Variants in CENPP observed in about 807,000 individuals in gnomAD.
CENPP encodes centromere protein P.
Under a neutral mutation model 35.6 loss-of-function variants are expected in CENPP, and 24 were observed. The ratio of observed to expected loss-of-function variants is 0.67; its 90% CI spans 0.49 to 0.95. The LOEUF is 0.95. Ranked by LOEUF, CENPP falls within the 40% of genes least tolerant of loss-of-function variation. CENPP has a pLI of 0.00. For missense variants in CENPP, 332 were observed against 345.3 expected (o/e 0.96, Z 0.31); for synonymous variants, 120 against 125.5 (o/e 0.96, Z 0.29).
chr9:92,431,717 G>GGC (rs1844113857), intron 5 of CENPP, among the ~76,000 whole-genome samples: 1 of 152,054 alleles, frequency 6.6e-6, no homozygotes, highest in East Asian at 1.9e-4. Context: ...TGGGATTACA[G>GGC]GCGCCTGCCA....
intron 5 of CENPP, among the ~76,000 whole-genome samples, chr9:92,413,377 A>G (rs1051352437): frequency 8.5e-5 from 13 of 152,052 alleles, no homozygotes; most frequent in African/African-American, 2.2e-4. Context: ...GAAGGCTCCA[A>G]TTTTTCCACA....
intron 5 of CENPP, among the ~76,000 whole-genome samples, chr9:92,497,157 T>C (rs1404428747): frequency 6.6e-6 from 1 of 152,144 alleles, no homozygotes; most frequent in Non-Finnish European, 1.5e-5. Flanking sequence ...AAAATGACAT[T>C]TATACAAACT....
At chr9:92,611,558 G>A (rs1851250995) in intron 6 of CENPP, among the ~76,000 whole-genome samples, 165 bp downstream of exon 6, 1 of 152,184 alleles carries the variant, frequency 6.6e-6, no homozygotes, top group East Asian at 1.9e-4. Flanking sequence ...GTATGGGGGT[G>A]CGGGGAGCTG....
intron 5 of CENPP, among the ~76,000 whole-genome samples, chr9:92,430,473 C>T (rs758749860): frequency 4.0e-5 from 6 of 151,088 alleles, no homozygotes; most frequent in African/African-American, 7.3e-5. Context: ...TCTTCTGCTT[C>T]AGTCGCCCGA....
chr9:92,363,210 A>G (rs1841803485), intron 4 of CENPP, among the ~76,000 whole-genome samples: 1 of 137,150 alleles, frequency 7.3e-6, no homozygotes, highest in Non-Finnish European at 1.5e-5. Context: ...AAACAGTACT[A>G]GGAAATATGT....
chr9:92,535,668 T>C (rs944654529), intron 5 of CENPP, among the ~76,000 whole-genome samples: 11 of 152,158 alleles, frequency 7.2e-5, no homozygotes, highest in African/African-American at 2.2e-4. Context: ...AAATTAATAA[T>C]ATTTTCAAAC....
intron 5 of CENPP, among the ~76,000 whole-genome samples, chr9:92,447,634 C>T (rs565324978): frequency 6.6e-6 from 1 of 152,244 alleles, no homozygotes; most frequent in African/African-American, 2.4e-5. Flanking sequence ...ATTTGGGGTC[C>T]TGAGATTTTG....
At chr9:92,488,042 G>T (rs1423594525) in intron 5 of CENPP, among the ~76,000 whole-genome samples, 1 of 152,158 alleles carries the variant, frequency 6.6e-6, no homozygotes, top group Non-Finnish European at 1.5e-5. Context: ...CTGAGCACAT[G>T]TATCTAGCTT....
chr9:92,352,954 C>T (rs1263104579), intron 4 of CENPP, among the ~76,000 whole-genome samples: 1 of 151,876 alleles, frequency 6.6e-6, no homozygotes, highest in Non-Finnish European at 1.5e-5. Context: ...AACTTGAACC[C>T]ATACACATCT....
intron 5 of CENPP, among the ~76,000 whole-genome samples, chr9:92,597,258 A>C (rs939676509): frequency 7.2e-5 from 11 of 152,150 alleles, no homozygotes; most frequent in African/African-American, 2.7e-4. Flanking sequence ...GGATTGAATG[A>C]GCTATAGTGC....
rs558811849 is a variant in CENPP, at chr9:92,460,424, C to A, written c.564+80565C>A. 8.6e-5 allele frequency: 97 copies of A among 1,125,290 alleles called. No homozygotes were observed. In the South Asian group the frequency reaches 1.2e-3, roughly 14 times the overall value. 69.7% of individuals were successfully genotyped at this position (1,125,290 alleles called of 1,614,324 possible). The stretch of plus-strand genomic sequence containing the variant: ...AGTGATCTCTACCAGGGTCCCTGTG[C>A]ACATTCTCCAGGAGGTATCATTCTA... On this transcript the variant is annotated intron_variant, in intron 5 of 7. Coordinates refer to ENST00000375587, the MANE Select transcript of CENPP (RefSeq NM_001012267.3).
At chr9:92,490,556 A>G (rs1243723589) in intron 5 of CENPP, among the ~76,000 whole-genome samples, 2 of 152,216 alleles carry the variant, frequency 1.3e-5, no homozygotes, top group Non-Finnish European at 2.9e-5. Context: ...AAGAGGTGGA[A>G]TCAATATCAT....
upstream of CENPP, chr9:92,325,919 G>A (rs1434234665): frequency 5.6e-6 from 7 of 1,250,302 alleles, no homozygotes; most frequent in African/African-American, 1.1e-4. Context: ...GGGAGCGCGC[G>A]CGAGGCTTGA....
rs1851375246 is a variant in CENPP at position 92,614,645 on chromosome 9, A to C, written c.*1496A>C. 6.5e-6 allele frequency: 1 copy of C among 152,684 alleles called. No homozygotes were observed. The highest frequency in any genetic ancestry group is 1.9e-4 in the East Asian group (1 of 5,196). The allele number at this position is 152,684 out of a possible 1,614,324, so 9.5% of individuals were successfully genotyped here. A position where few individuals can be genotyped will look rare whatever the true frequency, so the allele number is the denominator to read the frequency against. ...CAGCAAAATAGTTTCCTTATTTCTC[A>C]TGTATCATTTTCATATAATTCCATG... On this transcript the variant is annotated 3_prime_UTR_variant, in exon 8 of 8. Transcript: ENST00000375587.
At chr9:92,498,475 C>T (rs763070875) in intron 5 of CENPP, among the ~76,000 whole-genome samples, 76 of 151,884 alleles carry the variant, frequency 5.0e-4, no homozygotes, top group Middle Eastern at 3.4e-3. Flanking sequence ...TAAAAAAAGA[C>T]AATCATAGAA....
At chr9:92,344,693 G>A (rs1000911995) in intron 3 of CENPP, among the ~76,000 whole-genome samples, 48 of 151,644 alleles carry the variant, frequency 3.2e-4, no homozygotes, top group Non-Finnish European at 5.2e-4. Flanking sequence ...GATTACAGGC[G>A]CCTGCCACGA....
intron 5 of CENPP, chr9:92,500,598 G>T: frequency 1.1e-6 from 1 of 889,296 alleles, no homozygotes; most frequent in Non-Finnish European, 1.7e-6. Flanking sequence ...TGCCAATCTT[G>T]TTTAATCCAA....
intron 5 of CENPP, among the ~76,000 whole-genome samples, chr9:92,513,261 C>T (rs1847471406): frequency 6.6e-6 from 1 of 152,164 alleles, no homozygotes; most frequent in Non-Finnish European, 1.5e-5. Flanking sequence ...TAGATGACCA[C>T]ATTCCCTCTA....
chr9:92,474,811 C>T (rs758586100), intron 5 of CENPP: 3 of 1,613,726 alleles, frequency 1.9e-6, no homozygotes, highest in Non-Finnish European at 2.5e-6. Context: ...CCTTCAGCAT[C>T]ATATTCTTCA....
Sources: allele counts gnomAD v4.1 joint callset (sites outside exome capture counted in the v4.1 genomes callset), GRCh38; gene constraint gnomAD v4.1.1; transcripts MANE v1.5; gene names NCBI Gene and HGNC (gene_info 2026-07-23, HGNC 2026-07-21).